The following TAB2 variants were observed in gnomAD, a reference collection of about 807,000 sequenced individuals.
TAB2 encodes TGF-beta-activated kinase 1 and MAP3K7-binding protein 2.
In TAB2, 3 loss-of-function variants were observed where a neutral mutation model predicts 65.0. The observed-to-expected ratio is 0.05, with a 90% confidence interval of 0.02 to 0.12. TAB2 has a LOEUF of 0.12. Among genes scored for constraint, TAB2 ranks in the 10% least tolerant of loss-of-function variants. The pLI, the probability that TAB2 is intolerant of heterozygous loss-of-function variation, is 1.00. For synonymous variants in TAB2, 298 were observed against 285.1 expected, an observed-to-expected ratio of 1.05 and a Z score of -0.46; for missense variants, 623 against 840.3, an observed-to-expected ratio of 0.74 and a Z score of 3.20.
intron 3 of TAB2, among the ~76,000 whole-genome samples, chr6:149,392,998 A>C (rs1361582811): frequency 6.6e-6 from 1 of 152,190 alleles, no homozygotes; most frequent in East Asian, 1.9e-4. Context: ...GATTTTTAGA[A>C]ATTCACTTTG....
intron 1 of TAB2, among the ~76,000 whole-genome samples, chr6:149,369,068 T>G (rs978399972): frequency 6.6e-6 from 1 of 152,160 alleles, no homozygotes; most frequent in South Asian, 2.1e-4. Context: ...AGAGATTGTC[T>G]TCTTATGAAA....
At chr6:149,249,809 C>T (rs1777823316) in intron 1 of TAB2, among the ~76,000 whole-genome samples, 1 of 152,228 alleles carries the variant, frequency 6.6e-6, no homozygotes, top group Non-Finnish European at 1.5e-5. Flanking sequence ...GGCCCGCACT[C>T]CATCACTGGT....
At chr6:149,391,753 G>A (rs1282945412) in intron 3 of TAB2, among the ~76,000 whole-genome samples, 2 of 151,986 alleles carry the variant, frequency 1.3e-5, no homozygotes, top group Non-Finnish European at 2.9e-5. Flanking sequence ...TTGTTGCCCA[G>A]GCTGGTGAAA....
Position 149,409,928 on chromosome 6 carries a change from A to G in TAB2, c.*209A>G, listed in dbSNP as rs756751812. 10 of 622,798 alleles carry G rather than the reference A, an allele frequency of 1.6e-5. No homozygotes were observed. The highest frequency in any genetic ancestry group is 2.5e-5 in the Non-Finnish European group (9 of 356,618). The allele number at this position is 622,798 out of a possible 1,614,324, so 38.6% of individuals were successfully genotyped here. A position where few individuals can be genotyped will look rare whatever the true frequency, so the allele number is the denominator to read the frequency against. On this transcript the variant is annotated 3_prime_UTR_variant, in exon 7 of 7. Transcript: ENST00000637181. ...GTTGAAATTCATCACATGAAAAGTAATCTGCTGAAAGACTTGGTTGCCCAC... is the reference window on the plus strand; with the variant it reads ...GTTGAAATTCATCACATGAAAAGTAGTCTGCTGAAAGACTTGGTTGCCCAC...
At chr6:149,357,280 G>A (rs1780683489) in intron 1 of TAB2, among the ~76,000 whole-genome samples, 1 of 151,904 alleles carries the variant, frequency 6.6e-6, no homozygotes, top group South Asian at 2.1e-4. Flanking sequence ...ATCGGGCGTG[G>A]TGGTGTGCAC....
At chr6:149,382,935 C>T (rs1481641099) in intron 3 of TAB2, among the ~76,000 whole-genome samples, 3 of 152,244 alleles carry the variant, frequency 2.0e-5, no homozygotes, top group East Asian at 1.9e-4. Context: ...GGGTGGATCA[C>T]AAGGTCAAAA....
At chr6:149,294,527 G>A (rs1486661242) in intron 1 of TAB2, among the ~76,000 whole-genome samples, 3 of 152,202 alleles carry the variant, frequency 2.0e-5, no homozygotes, top group Non-Finnish European at 4.4e-5. Flanking sequence ...TAACACCAGT[G>A]CTATAAATGG....
At chr6:149,302,620 A>C (rs748407583) in intron 1 of TAB2, among the ~76,000 whole-genome samples, 1 of 152,212 alleles carries the variant, frequency 6.6e-6, no homozygotes, top group Non-Finnish European at 1.5e-5. Context: ...GGAGGAGTCC[A>C]CGTCTCCCAG....
intron 1 of TAB2, among the ~76,000 whole-genome samples, chr6:149,349,287 G>A (rs1342310095): frequency 1.3e-5 from 2 of 151,672 alleles, no homozygotes; most frequent in Admixed American, 6.6e-5. Context: ...AGGCACGGTG[G>A]CACGCGCCTG....
intron 1 of TAB2, among the ~76,000 whole-genome samples, chr6:149,228,632 C>A (rs1777335142): frequency 6.6e-6 from 1 of 152,212 alleles, no homozygotes. Context: ...AATGGCTTAG[C>A]CCCCTAACGA....
intron 1 of TAB2, among the ~76,000 whole-genome samples, chr6:149,242,719 T>G (rs1777626501): frequency 6.6e-6 from 1 of 152,204 alleles, no homozygotes; most frequent in South Asian, 2.1e-4. Context: ...GGTTCGGGAT[T>G]GTTTTGCCAT....
chr6:149,221,446 T>C (rs1777146969), intron 1 of TAB2, among the ~76,000 whole-genome samples: 1 of 152,180 alleles, frequency 6.6e-6, no homozygotes, highest in African/African-American at 2.4e-5. Context: ...GCATCATCAG[T>C]GCAAAGTCAA....
intron 1 of TAB2, among the ~76,000 whole-genome samples, chr6:149,322,384 C>G (rs1309685103): frequency 6.6e-6 from 1 of 152,084 alleles, no homozygotes; most frequent in African/African-American, 2.4e-5. Flanking sequence ...CTATCCCATA[C>G]ATAAAATTTT....
intron 1 of TAB2, among the ~76,000 whole-genome samples, chr6:149,273,078 G>T (rs1778393199): frequency 6.6e-6 from 1 of 151,790 alleles, no homozygotes; most frequent in Non-Finnish European, 1.5e-5. Context: ...TCATGAAACT[G>T]GTCCCTGGCG....
intron 6 of TAB2, among the ~76,000 whole-genome samples, chr6:149,404,825 T>C (rs762302066): frequency 1.3e-5 from 2 of 151,968 alleles, no homozygotes; most frequent in Non-Finnish European, 2.9e-5. Flanking sequence ...GAAGAAAACA[T>C]AGGTGAAAAG....
At position 149,265,166 on chromosome 6, in the gene TAB2, G is replaced by T. The variant is rs114964912; in HGVS notation, c.-121+46390G>T. The stretch of plus-strand genomic sequence containing the variant: ...TTGAAATAATGCTGGAAAAAAATGC[G>T]TTTTAAATGACAAGAGTTCAGAACC... On this transcript the variant is annotated intron_variant, in intron 1 of 1. Transcript: ENST00000606202. Among the ~76,000 whole-genome samples the T allele has an allele frequency of 5.2e-3, 768 of 148,550 alleles. 7 individuals are homozygous for T. Among genetic ancestry groups the T allele is most frequent in the African/African-American group, 0.018 (739 of 40,536 alleles).
At chr6:149,403,297 T>TAC (rs1782533050) in intron 6 of TAB2, among the ~76,000 whole-genome samples, 1 of 54,996 alleles carries the variant, frequency 1.8e-5, no homozygotes, top group Non-Finnish European at 3.5e-5. Context: ...CACACACACA[T>TAC]ATATATATAT....
intron 1 of TAB2, among the ~76,000 whole-genome samples, chr6:149,241,817 C>A (rs1777603085): frequency 2.0e-5 from 3 of 152,192 alleles, no homozygotes; most frequent in African/African-American, 7.2e-5. Context: ...AGGATGGCTT[C>A]TCTGAACACA....
chr6:149,266,309 C>G (rs2114671883), intron 1 of TAB2, among the ~76,000 whole-genome samples: 1 of 152,268 alleles, frequency 6.6e-6, no homozygotes, highest in Admixed American at 6.5e-5. Flanking sequence ...GTGTCTTTGT[C>G]CGGGAGAGAA....
Sources: allele counts gnomAD v4.1 joint callset (sites outside exome capture counted in the v4.1 genomes callset), GRCh38; gene constraint gnomAD v4.1.1; transcripts MANE v1.5; gene names NCBI Gene and HGNC (gene_info 2026-07-23, HGNC 2026-07-21).